DRC11: variants seen among roughly 807,000 people sequenced by gnomAD.
The protein encoded by DRC11 is dynein regulatory complex subunit 11, also known as IQ and AAA domain-containing protein 1.
chr2:236,333,947 T>A, the DRC11 span, among the ~76,000 whole-genome samples: 3 of 152,168 alleles, frequency 2.0e-5, no homozygotes, highest in Admixed American at 2.0e-4. The surrounding 1 kb of genome is among the most constrained non-coding windows in gnomAD (Gnocchi z 6.0). Context: ...CAGAGGGACA[T>A]GTAAACCCGC....
the DRC11 span, among the ~76,000 whole-genome samples, chr2:236,382,569 A>G: frequency 5.6e-4 from 85 of 152,178 alleles, no homozygotes; most frequent in Non-Finnish European, 7.6e-4. Context: ...GAGTCTTCCA[A>G]TTCATGAATA....
At chr2:236,386,817 T>C in the DRC11 span, among the ~76,000 whole-genome samples, 1 of 150,388 alleles carries the variant, frequency 6.6e-6, no homozygotes, top group Non-Finnish European at 1.5e-5. Context: ...TAAATTTCCC[T>C]CTACACACTG....
chr2:236,368,269 G>A, the DRC11 span: 1 of 1,606,574 alleles, frequency 6.2e-7, no homozygotes, highest in East Asian at 2.2e-5. Flanking sequence ...ATGGACACCT[G>A]GCGAAGAGTA....
chr2:236,357,519 TTTATA>T, the DRC11 span, among the ~76,000 whole-genome samples: 4 of 125,504 alleles, frequency 3.2e-5, no homozygotes, highest in African/African-American at 1.3e-4. Flanking sequence ...TATAAATATA[TTTATA>T]TATTATGAAT....
the DRC11 span, chr2:236,493,779 T>C: frequency 1.8e-5 from 29 of 1,599,736 alleles, no homozygotes; most frequent in African/African-American, 6.7e-5. Context: ...ATGTCAGATG[T>C]ATCTATTCCG....
chr2:236,482,062 T>C, the DRC11 span, among the ~76,000 whole-genome samples: 2 of 149,780 alleles, frequency 1.3e-5, no homozygotes, highest in Non-Finnish European at 3.0e-5. This position sits in a 1 kb window ranked among gnomAD's most constrained non-coding sequence, Gnocchi z 4.5. Context: ...ATATTATATG[T>C]ATAATTCTAC....
chr2:236,411,463 T>C, the DRC11 span, among the ~76,000 whole-genome samples: 1 of 151,932 alleles, frequency 6.6e-6, no homozygotes, highest in African/African-American at 2.4e-5. Flanking sequence ...GTAAACTAGT[T>C]CAACCATTGT....
chr2:236,357,742 A>G, the DRC11 span, among the ~76,000 whole-genome samples: 1 of 126,898 alleles, frequency 7.9e-6, no homozygotes, highest in Non-Finnish European at 1.5e-5. Context: ...TACATATAAT[A>G]TGTAAATATA....
chr2:236,428,778 A>G, the DRC11 span, among the ~76,000 whole-genome samples: 110 of 152,126 alleles, frequency 7.2e-4, no homozygotes, highest in Admixed American at 7.1e-3. Flanking sequence ...CCACTTTATT[A>G]CTTTCTGATT....
At chr2:236,386,483 G>A in the DRC11 span, among the ~76,000 whole-genome samples, 3 of 151,976 alleles carry the variant, frequency 2.0e-5, no homozygotes, top group Non-Finnish European at 4.4e-5. Context: ...ATGGTAGTTT[G>A]TATTTCTGTG....
the DRC11 span, among the ~76,000 whole-genome samples, chr2:236,416,739 AT>A: frequency 9.2e-3 from 497 of 54,214 alleles, 39 homozygotes; most frequent in East Asian, 0.087. Flanking sequence ...ATATATATAT[AT>A]ATATATATAT....
the DRC11 span, among the ~76,000 whole-genome samples, chr2:236,388,803 T>G: frequency 4.7e-5 from 7 of 149,894 alleles, no homozygotes; most frequent in Non-Finnish European, 7.5e-5. Context: ...TTATCTACTT[T>G]TGGTCTTTGA....
the DRC11 span, among the ~76,000 whole-genome samples, chr2:236,490,614 G>A: frequency 3.3e-5 from 5 of 152,136 alleles, no homozygotes; most frequent in Middle Eastern, 3.4e-3. The surrounding 1 kb of genome is among the most constrained non-coding windows in gnomAD (Gnocchi z 5.5). Context: ...TTTAGATTCC[G>A]GGCTGTCATT....
chr2:236,481,249 C>T, the DRC11 span, among the ~76,000 whole-genome samples: 2 of 152,188 alleles, frequency 1.3e-5, no homozygotes, highest in African/African-American at 4.8e-5. Flanking sequence ...ACTCATGATG[C>T]TTCCTGTAGG....
the DRC11 span, chr2:236,497,395 T>G: frequency 6.2e-7 from 1 of 1,613,898 alleles, no homozygotes; most frequent in Non-Finnish European, 8.5e-7. The surrounding 1 kb of genome is among the most constrained non-coding windows in gnomAD (Gnocchi z 5.1). Context: ...GATGAAAACC[T>G]GATTTCTTTG....
the DRC11 span, among the ~76,000 whole-genome samples, chr2:236,360,775 C>T: frequency 2.0e-5 from 3 of 152,306 alleles, no homozygotes; most frequent in African/African-American, 7.2e-5. The surrounding 1 kb of genome is among the most constrained non-coding windows in gnomAD (Gnocchi z 5.8). Context: ...AACAGGATTT[C>T]CATTGAAACT....
the DRC11 span, among the ~76,000 whole-genome samples, chr2:236,500,482 G>A: frequency 6.6e-6 from 1 of 152,162 alleles, no homozygotes; most frequent in Non-Finnish European, 1.5e-5. The surrounding 1 kb of genome is among the most constrained non-coding windows in gnomAD (Gnocchi z 6.3). Flanking sequence ...ACCCCACTGA[G>A]TCAGGAGACT....
At chr2:236,476,330 G>A in the DRC11 span, among the ~76,000 whole-genome samples, 1 of 151,974 alleles carries the variant, frequency 6.6e-6, no homozygotes, top group African/African-American at 2.4e-5. This position sits in a 1 kb window ranked among gnomAD's most constrained non-coding sequence, Gnocchi z 4.7. Flanking sequence ...TGTAGCTACT[G>A]TAAATGGGAT....
chr2:236,445,036 C>T, the DRC11 span, among the ~76,000 whole-genome samples: 1 of 152,174 alleles, frequency 6.6e-6, no homozygotes, highest in African/African-American at 2.4e-5. The surrounding 1 kb of genome is among the most constrained non-coding windows in gnomAD (Gnocchi z 4.8). Context: ...TAGAGAGAAA[C>T]CATGAATACA....
Sources: allele counts gnomAD v4.1 joint callset (sites outside exome capture counted in the v4.1 genomes callset), GRCh38; gene constraint gnomAD v4.1.1; non-coding constraint Gnocchi (gnomAD v3.1); transcripts MANE v1.5; gene names NCBI Gene and HGNC (gene_info 2026-07-23, HGNC 2026-07-21).